PHACTR1: variants seen among roughly 807,000 people sequenced by gnomAD.
PHACTR1 encodes RPEL repeat containing 1.
In PHACTR1, 16 loss-of-function variants were observed where a neutral mutation model predicts 69.2. The ratio of observed to expected loss-of-function variants is 0.23; its 90% CI spans 0.16 to 0.35. PHACTR1 has a LOEUF of 0.35. Among genes scored for constraint, PHACTR1 ranks in the 10% least tolerant of loss-of-function variants. PHACTR1 has a pLI of 1.00. For missense variants in PHACTR1, 510 were observed against 734.7 expected, an observed-to-expected ratio of 0.69 and a Z score of 3.54; for synonymous variants, 312 against 284.5, an observed-to-expected ratio of 1.10 and a Z score of -0.97.
At chr6:12,738,848 A>G (rs1764669038) in intron 3 of PHACTR1, among the ~76,000 whole-genome samples, 1 of 152,172 alleles carries the variant, frequency 6.6e-6, no homozygotes, top group South Asian at 2.1e-4. Flanking sequence ...CTGGGCGACA[A>G]GAGTGAAACT....
At chr6:12,893,541 G>A (rs1348111285) in intron 4 of PHACTR1, among the ~76,000 whole-genome samples, 1 of 152,010 alleles carries the variant, frequency 6.6e-6, no homozygotes, top group East Asian at 1.9e-4. Flanking sequence ...TTTACAACTT[G>A]TATTTTGGGG....
intron 4 of PHACTR1, among the ~76,000 whole-genome samples, chr6:12,951,346 G>C (rs7775710): frequency 0.31 from 47,535 of 152,184 alleles, 11,897 homozygotes; most frequent in African/African-American, 0.69. Flanking sequence ...GTTTAGCAAC[G>C]TGGTGAGCTT....
At chr6:13,139,445 T>C (rs1320247984) in intron 5 of PHACTR1, among the ~76,000 whole-genome samples, 1 of 152,132 alleles carries the variant, frequency 6.6e-6, no homozygotes, top group Non-Finnish European at 1.5e-5. Flanking sequence ...CACAAATTGT[T>C]TTTTCCGTTG....
intron 4 of PHACTR1, among the ~76,000 whole-genome samples, chr6:12,923,388 C>G (rs1289225348): frequency 6.6e-6 from 1 of 152,186 alleles, no homozygotes; most frequent in Non-Finnish European, 1.5e-5. Context: ...ATATTACATG[C>G]TATAATTTAT....
chr6:13,168,109 C>T (rs1760078379), intron 6 of PHACTR1, among the ~76,000 whole-genome samples: 1 of 152,128 alleles, frequency 6.6e-6, no homozygotes. Flanking sequence ...GACGTCTCAC[C>T]TAGAAATGGC....
chr6:13,204,772 T>C (rs1385673756), intron 7 of PHACTR1, among the ~76,000 whole-genome samples: 1 of 152,160 alleles, frequency 6.6e-6, no homozygotes, highest in Non-Finnish European at 1.5e-5. Context: ...AAAACTAATC[T>C]TCACAAAGCA....
At chr6:13,075,344 C>G (rs527914785) in intron 5 of PHACTR1, among the ~76,000 whole-genome samples, 1 of 152,186 alleles carries the variant, frequency 6.6e-6, no homozygotes, top group Non-Finnish European at 1.5e-5. Flanking sequence ...AGGATTTGAA[C>G]TCTAGTAGCC....
chr6:13,252,944 G>A (rs1046762037), intron 10 of PHACTR1: 10 of 365,390 alleles, frequency 2.7e-5, no homozygotes, highest in South Asian at 9.4e-5. Context: ...TTGTGTTTTC[G>A]TTTCCAGGTT....
At chr6:13,033,681 A>G (rs541625586) in intron 4 of PHACTR1, among the ~76,000 whole-genome samples, 139 of 152,336 alleles carry the variant, frequency 9.1e-4, no homozygotes, top group African/African-American at 3.2e-3. Flanking sequence ...TTGAAGCTTA[A>G]TTCATGCAAA....
At chr6:12,732,308 AT>A (rs113653689) in intron 3 of PHACTR1, among the ~76,000 whole-genome samples, 1 of 151,336 alleles carries the variant, frequency 6.6e-6, no homozygotes, top group Non-Finnish European at 1.5e-5. Flanking sequence ...GCACACACAG[AT>A]TTTTTTTGGG....
At chr6:13,010,595 G>C (rs1799339122) in intron 4 of PHACTR1, among the ~76,000 whole-genome samples, 1 of 152,174 alleles carries the variant, frequency 6.6e-6, no homozygotes, top group Non-Finnish European at 1.5e-5. Context: ...TTCCGGGCTA[G>C]AGCTTGAAGT....
chr6:13,193,153 A>G (rs568660078), intron 7 of PHACTR1, among the ~76,000 whole-genome samples: 199 of 151,838 alleles, frequency 1.3e-3, no homozygotes, highest in African/African-American at 4.6e-3. Context: ...CCAACTACAG[A>G]CAGTTAGACC....
intron 5 of PHACTR1, among the ~76,000 whole-genome samples, chr6:13,062,867 T>G (rs1365647296): frequency 2.6e-5 from 4 of 152,226 alleles, no homozygotes; most frequent in Non-Finnish European, 5.9e-5. Flanking sequence ...GAAGACTCTA[T>G]GGCCCATCAC....
At chr6:13,230,545 C>CT (rs1770707410) in intron 10 of PHACTR1, 1 of 92,930 alleles carries the variant, frequency 1.1e-5, no homozygotes, top group Admixed American at 1.1e-4. Context: ...GACTCTGTCT[C>CT]AAAAAAAAAA....
chr6:13,287,552 G>A lies in PHACTR1; in HGVS notation c.*474G>A, dbSNP rs1781913775. ...ACTTCTACACTTGGCCAAATGTACT[G>A]GCTCCAGACATGACATTTGGTTTGG... On this transcript the variant is annotated 3_prime_UTR_variant, in exon 15 of 15. Transcript: ENST00000332995. 1.3e-5 allele frequency: 2 copies of A among 156,218 alleles called. No individual in the cohort carries two copies. The highest frequency in any genetic ancestry group is 1.9e-4 in the East Asian group (1 of 5,270). The allele number at this position is 156,218 out of a possible 1,614,324, so 9.7% of individuals were successfully genotyped here. A position where few individuals can be genotyped will look rare whatever the true frequency, so the allele number is the denominator to read the frequency against.
intron 4 of PHACTR1, among the ~76,000 whole-genome samples, chr6:12,815,946 T>C (rs145841054): frequency 9.3e-4 from 142 of 152,316 alleles, no homozygotes; most frequent in African/African-American, 3.2e-3. Flanking sequence ...AATCAATATT[T>C]CCTGGGCATA....
intron 4 of PHACTR1, among the ~76,000 whole-genome samples, chr6:12,867,482 GTTA>G (rs1781574402): frequency 6.6e-6 from 1 of 152,180 alleles, no homozygotes; most frequent in Non-Finnish European, 1.5e-5. Context: ...TTCCAGCTCA[GTTA>G]TTATCCCCAC....
chr6:12,961,873 T>C (rs1490480563), intron 4 of PHACTR1, among the ~76,000 whole-genome samples: 2 of 152,186 alleles, frequency 1.3e-5, no homozygotes, highest in Non-Finnish European at 2.9e-5. Context: ...TCCTCCCACA[T>C]AGTTGTCCCT....
chr6:12,864,455 C>T (rs952744966), intron 4 of PHACTR1, among the ~76,000 whole-genome samples: 28 of 152,204 alleles, frequency 1.8e-4, no homozygotes, highest in African/African-American at 6.5e-4. Context: ...CCGAGGTGGG[C>T]GGATCACGAG....
Sources: gnomAD v4.1 joint callset for allele counts (sites outside exome capture counted in the v4.1 genomes callset) on GRCh38, gnomAD v4.1.1 for gene constraint, MANE v1.5 for transcripts, NCBI Gene and HGNC (gene_info 2026-07-23, HGNC 2026-07-21) for gene names.